KAZN: variants seen among roughly 807,000 people sequenced by gnomAD.
KAZN encodes the protein kazrin, periplakin interacting protein, also known as kazrin.
In KAZN, 40 loss-of-function variants were observed where a neutral mutation model predicts 87.4. The observed-to-expected ratio is 0.46, with a 90% CI of 0.36 to 0.60. KAZN has a LOEUF of 0.60. KAZN is among the 20% of genes least tolerant of loss of function. The pLI, the probability that KAZN is intolerant of heterozygous loss-of-function variation, is 0.00. For missense variants in KAZN, 898 were observed against 1,073.9 expected (o/e 0.84, Z 2.29); for synonymous variants, 466 against 458.3 (o/e 1.02, Z -0.22).
At position 14,798,416 on chromosome 1, in the gene KAZN, C is replaced by CTTTTT. The variant is rs545959773; in HGVS notation, c.227-162243_227-162239dup. On this transcript the variant is annotated intron_variant, in intron 1 of 14. Transcript: ENST00000376030. ...TTGCTTTCTTTTTTCTGTTTCTTTCCTTTTTTTTTTTTTTTTTTTTTTTTT... is the reference window on the plus strand; with the variant it reads ...TTGCTTTCTTTTTTCTGTTTCTTTCCTTTTTTTTTTTTTTTTTTTTTTTTTTTTTT... Among the ~76,000 whole-genome samples, 47 of 88,148 alleles carry CTTTTT rather than the reference C, an allele frequency of 5.3e-4. 3 individuals carry two copies. Among genetic ancestry groups the CTTTTT allele is most frequent in the South Asian group, 2.3e-3 (5 of 2,154 alleles). The allele number at this position is 88,148 out of a possible 152,430, so 57.8% of individuals were successfully genotyped here.
At chr1:14,794,462 C>A (rs1645771469) in intron 1 of KAZN, among the ~76,000 whole-genome samples, 1 of 152,212 alleles carries the variant, frequency 6.6e-6, no homozygotes, top group Non-Finnish European at 1.5e-5. Flanking sequence ...AGTTGCCTCC[C>A]CTACTAAATG....
chr1:14,377,829 G>A (rs997652551), intron 2 of KAZN, among the ~76,000 whole-genome samples: 3 of 152,078 alleles, frequency 2.0e-5, no homozygotes, highest in African/African-American at 4.8e-5. Flanking sequence ...CTTTGTGCTC[G>A]GAGGCTGTCT....
intron 2 of KAZN, among the ~76,000 whole-genome samples, chr1:15,020,592 G>C (rs569448683): frequency 6.6e-6 from 1 of 152,116 alleles, no homozygotes; most frequent in Non-Finnish European, 1.5e-5. Flanking sequence ...TCTGCGTCAC[G>C]TGTGGCCATC....
chr1:13,943,545 G>GA (rs1188243117), intron 1 of KAZN, among the ~76,000 whole-genome samples: 6 of 151,292 alleles, frequency 4.0e-5, no homozygotes, highest in Admixed American at 3.3e-4. Flanking sequence ...TTCAGAAAAA[G>GA]AAAAAAAATC....
At chr1:14,409,552 A>G (rs948315489) in intron 2 of KAZN, among the ~76,000 whole-genome samples, 3 of 152,226 alleles carry the variant, frequency 2.0e-5, no homozygotes, top group Non-Finnish European at 4.4e-5. Flanking sequence ...CCCCAACTTG[A>G]AAAGGAGCTC....
At chr1:14,037,295 G>T (rs1231516486) in intron 1 of KAZN, among the ~76,000 whole-genome samples, 1 of 152,168 alleles carries the variant, frequency 6.6e-6, no homozygotes, top group Non-Finnish European at 1.5e-5. Context: ...CATTCCATTT[G>T]CATGACAGGC....
intron 2 of KAZN, among the ~76,000 whole-genome samples, chr1:14,389,473 G>A (rs1283936836): frequency 1.5e-5 from 2 of 132,630 alleles, no homozygotes; most frequent in African/African-American, 5.1e-5. Flanking sequence ...ACAGATGAAT[G>A]GATAAAAAAA....
chr1:14,478,290 G>T (rs1007887242), intron 2 of KAZN, among the ~76,000 whole-genome samples: 5 of 150,112 alleles, frequency 3.3e-5, no homozygotes, highest in Non-Finnish European at 5.9e-5. Context: ...AGGAAGGAAG[G>T]GTGGATGGGA....
intron 1 of KAZN, among the ~76,000 whole-genome samples, chr1:14,859,785 C>T (rs142292300): frequency 1.1e-4 from 17 of 152,266 alleles, no homozygotes; most frequent in Non-Finnish European, 1.8e-4. Context: ...TAAAGCATTC[C>T]GACTGCTTCT....
chr1:14,515,479 A>G (rs377429642), intron 2 of KAZN, among the ~76,000 whole-genome samples: 13 of 152,314 alleles, frequency 8.5e-5, no homozygotes, highest in African/African-American at 3.1e-4. Flanking sequence ...CAGGCCCATA[A>G]ACAAAGCACT....
chr1:14,206,702 C>CTTTTT (rs70997123), intron 2 of KAZN, among the ~76,000 whole-genome samples: 1 of 144,874 alleles, frequency 6.9e-6, no homozygotes, highest in Non-Finnish European at 1.5e-5. Flanking sequence ...TGAGCATTTT[C>CTTTTT]TTTTTTTTTT....
At chr1:14,434,771 C>T (rs570787890) in intron 2 of KAZN, among the ~76,000 whole-genome samples, 4 of 152,048 alleles carry the variant, frequency 2.6e-5, no homozygotes, top group African/African-American at 4.8e-5. Context: ...CTGCCTCCAA[C>T]GCACCTCCTC....
At chr1:14,879,444 A>C (rs1653099749) in intron 1 of KAZN, among the ~76,000 whole-genome samples, 1 of 152,224 alleles carries the variant, frequency 6.6e-6, no homozygotes, top group Non-Finnish European at 1.5e-5. Flanking sequence ...GCTCAGTGCT[A>C]CGTACAGGAG....
chr1:14,718,363 C>T (rs1454990073), intron 1 of KAZN, among the ~76,000 whole-genome samples: 1 of 152,204 alleles, frequency 6.6e-6, no homozygotes, highest in Non-Finnish European at 1.5e-5. Context: ...GCCCCTTAAT[C>T]ACCTGCTTTT....
chr1:14,747,182 CT>C (rs1439631607), intron 1 of KAZN, among the ~76,000 whole-genome samples: 2 of 152,176 alleles, frequency 1.3e-5, no homozygotes, highest in East Asian at 3.8e-4. Flanking sequence ...CTTTTGAAGA[CT>C]GAATAATATT....
At chr1:15,013,345 C>T (rs1010563750) in intron 2 of KAZN, among the ~76,000 whole-genome samples, 3 of 152,008 alleles carry the variant, frequency 2.0e-5, no homozygotes, top group Non-Finnish European at 2.9e-5. Context: ...GGAAGCTAGA[C>T]AGTAAACAGG....
chr1:14,041,574 C>A (rs577583754), intron 1 of KAZN, among the ~76,000 whole-genome samples: 1 of 152,150 alleles, frequency 6.6e-6, no homozygotes, highest in African/African-American at 2.4e-5. Flanking sequence ...TGGAGCCCTC[C>A]CTTATGCTCC....
intron 2 of KAZN, among the ~76,000 whole-genome samples, chr1:14,470,227 C>A (rs978828856): frequency 6.6e-6 from 1 of 151,550 alleles, no homozygotes; most frequent in Non-Finnish European, 1.5e-5. Flanking sequence ...AATATAGATA[C>A]AGGCAGAATA....
At chr1:14,331,194 T>A (rs1270240094) in intron 2 of KAZN, among the ~76,000 whole-genome samples, 1 of 152,096 alleles carries the variant, frequency 6.6e-6, no homozygotes, top group South Asian at 2.1e-4. Flanking sequence ...TGGCCTAGCA[T>A]GCAAAGAAAA....
Sources: gnomAD v4.1 joint callset for allele counts (sites outside exome capture counted in the v4.1 genomes callset) on GRCh38, gnomAD v4.1.1 for gene constraint, MANE v1.5 for transcripts, NCBI Gene and HGNC (gene_info 2026-07-23, HGNC 2026-07-21) for gene names.